The following NEMP2 variants were observed in gnomAD, a reference collection of about 807,000 sequenced individuals.
NEMP2 encodes UPF0571 transmembrane protein.
Under a neutral mutation model 54.2 loss-of-function variants are expected in NEMP2, and 53 were observed. The observed-to-expected ratio is 0.98, with a 90% CI of 0.78 to 1.23. The LOEUF is 1.23. Among genes scored for constraint, NEMP2 ranks in the 50% most tolerant of loss-of-function variants. The pLI is 0.00. For missense variants in NEMP2, 455 were observed against 511.3 expected (o/e 0.89, Z 1.06); for synonymous variants, 197 against 190.3 (o/e 1.04, Z -0.29).
chr2:190,485,116 C>T, the NEMP2 span, among the ~76,000 whole-genome samples: 1 of 152,102 alleles, frequency 6.6e-6, no homozygotes, highest in Non-Finnish European at 1.5e-5. The surrounding 1 kb of genome is among the most constrained non-coding windows in gnomAD (Gnocchi z 5.1). Flanking sequence ...CTTAAGTCAT[C>T]CCACTGGAAA....
rs774303842 is a variant in NEMP2, at chr2:190,531,149, T to G, written c.97+3410A>C. On this transcript the variant is annotated intron_variant, in intron 1 of 8. Transcript: ENST00000409150. The surrounding 1 kb of genome is among the most constrained non-coding windows in gnomAD (Gnocchi z 4.7). ...GGAATTTTTAAAAATCTAACAATAA[T>G]CATTCATTTGGTCAAAAGGGAACAA... is the stretch of plus-strand genomic sequence containing the variant. Among the ~76,000 whole-genome samples, 5 of 152,160 alleles carry G rather than the reference T, an allele frequency of 3.3e-5. No homozygotes were observed. Among genetic ancestry groups the G allele is most frequent in the Non-Finnish European group, 5.9e-5 (4 of 68,020 alleles).
the NEMP2 span, among the ~76,000 whole-genome samples, chr2:190,445,641 A>G: frequency 2.6e-5 from 4 of 152,146 alleles, no homozygotes; most frequent in African/African-American, 9.7e-5. Flanking sequence ...TAAAAGACAG[A>G]ATAATTTATT....
chr2:190,502,418 TC>T (rs572540668), downstream of NEMP2: 150 of 152,376 alleles, frequency 9.8e-4, 2 homozygotes, highest in African/African-American at 3.5e-3. The surrounding 1 kb of genome is among the most constrained non-coding windows in gnomAD (Gnocchi z 4.4). Context: ...TACTTCCTAC[TC>T]TTTCTCCTAT....
chr2:190,571,735 G>A, the NEMP2 span, among the ~76,000 whole-genome samples: 1 of 152,064 alleles, frequency 6.6e-6, no homozygotes, highest in Admixed American at 6.5e-5. Context: ...TCCCATAGTA[G>A]CATTATGAAA....
chr2:190,431,194 G>T, the NEMP2 span, among the ~76,000 whole-genome samples: 1 of 151,670 alleles, frequency 6.6e-6, no homozygotes, highest in African/African-American at 2.4e-5. The surrounding 1 kb of genome is among the most constrained non-coding windows in gnomAD (Gnocchi z 4.4). Context: ...GATGGTGGCC[G>T]GGAAGAGGCG....
At chr2:190,590,400 A>G in the NEMP2 span, among the ~76,000 whole-genome samples, 1 of 152,152 alleles carries the variant, frequency 6.6e-6, no homozygotes, top group Non-Finnish European at 1.5e-5. This position sits in a 1 kb window ranked among gnomAD's most constrained non-coding sequence, Gnocchi z 5.1. Flanking sequence ...TTTTATCACA[A>G]AAGTCATTCA....
rs1331343149 is a variant in NEMP2 at position 190,512,800 on chromosome 2, C to G, written c.953+1653G>C. 6.6e-6 allele frequency among the ~76,000 whole-genome samples: 1 copy of G among 152,206 alleles called. No homozygotes were observed. The highest frequency in any genetic ancestry group is 1.5e-5 in the Non-Finnish European group (1 of 68,032). On this transcript the variant is annotated intron_variant, in intron 7 of 8. Transcript: ENST00000409150. The surrounding 1 kb of genome is among the most constrained non-coding windows in gnomAD (Gnocchi z 4.5). ...CGGGCAGATGGGGCAAAGAGAGACC[C>G]AGTCAGCATCAACCCTCCAACCCTG...
chr2:190,441,785 G>T, the NEMP2 span, among the ~76,000 whole-genome samples: 1 of 152,036 alleles, frequency 6.6e-6, no homozygotes, highest in African/African-American at 2.4e-5. Context: ...CACCCACTGT[G>T]GGTGGCCCTG....
At chr2:190,577,397 G>C in the NEMP2 span, among the ~76,000 whole-genome samples, 1 of 152,122 alleles carries the variant, frequency 6.6e-6, no homozygotes, top group Non-Finnish European at 1.5e-5. The surrounding 1 kb of genome is among the most constrained non-coding windows in gnomAD (Gnocchi z 4.8). Context: ...CATAGATTAT[G>C]TGTAATATTT....
At chr2:190,494,911 T>C in the NEMP2 span, among the ~76,000 whole-genome samples, 3 of 152,052 alleles carry the variant, frequency 2.0e-5, no homozygotes, top group Non-Finnish European at 4.4e-5. This position sits in a 1 kb window ranked among gnomAD's most constrained non-coding sequence, Gnocchi z 5.7. Context: ...CAGGGAGAAG[T>C]TGGAAGCATT....
chr2:190,555,018 G>C, the NEMP2 span, among the ~76,000 whole-genome samples: 3 of 152,170 alleles, frequency 2.0e-5, no homozygotes, highest in African/African-American at 7.2e-5. This position sits in a 1 kb window ranked among gnomAD's most constrained non-coding sequence, Gnocchi z 4.8. Context: ...AGGCGAACAG[G>C]GTCTGGAGTG....
At chr2:190,594,759 T>C in the NEMP2 span, among the ~76,000 whole-genome samples, 1 of 152,046 alleles carries the variant, frequency 6.6e-6, no homozygotes, top group African/African-American at 2.4e-5. The surrounding 1 kb of genome is among the most constrained non-coding windows in gnomAD (Gnocchi z 5.6). Context: ...ACGAATAGAG[T>C]TAGCTGCAAA....
chr2:190,642,692 GTT>G, the NEMP2 span, among the ~76,000 whole-genome samples: 1 of 152,066 alleles, frequency 6.6e-6, no homozygotes, highest in Non-Finnish European at 1.5e-5. This position sits in a 1 kb window ranked among gnomAD's most constrained non-coding sequence, Gnocchi z 4.1. Context: ...ACATGACTCA[GTT>G]AATTGTAGGG....
At chr2:190,436,644 G>A in the NEMP2 span, 2 of 1,613,976 alleles carry the variant, frequency 1.2e-6, no homozygotes, top group Admixed American at 3.3e-5. The surrounding 1 kb of genome is among the most constrained non-coding windows in gnomAD (Gnocchi z 5.3). Context: ...TGGAAACAAG[G>A]CTCAATGTCT....
chr2:190,477,432 C>G, the NEMP2 span: 36 of 882,124 alleles, frequency 4.1e-5, no homozygotes, highest in Admixed American at 1.2e-4. Context: ...ATGCATATAA[C>G]TTTTTTATCC....
At chr2:190,437,680 T>A in the NEMP2 span, 1 of 1,202,352 alleles carries the variant, frequency 8.3e-7, no homozygotes, top group Non-Finnish European at 1.1e-6. This position sits in a 1 kb window ranked among gnomAD's most constrained non-coding sequence, Gnocchi z 5.9. Flanking sequence ...AGGGTTGGAG[T>A]GGAAATGGGG....
chr2:190,547,727 G>A, the NEMP2 span, among the ~76,000 whole-genome samples: 10 of 152,014 alleles, frequency 6.6e-5, no homozygotes, highest in African/African-American at 2.4e-4. This position sits in a 1 kb window ranked among gnomAD's most constrained non-coding sequence, Gnocchi z 6.2. Flanking sequence ...GTAGTGATGG[G>A]GTTTCATCAT....
the NEMP2 span, among the ~76,000 whole-genome samples, chr2:190,579,187 G>T: frequency 6.6e-6 from 1 of 151,788 alleles, no homozygotes; most frequent in Non-Finnish European, 1.5e-5. Context: ...TCTGTGCCTT[G>T]GTTCCCAATT....
At chr2:190,503,221 T>G (rs961091643), downstream of NEMP2, among the ~76,000 whole-genome samples, 13 of 152,200 alleles carry the variant, frequency 8.5e-5, no homozygotes, top group African/African-American at 3.1e-4. The surrounding 1 kb of genome is among the most constrained non-coding windows in gnomAD (Gnocchi z 6.3). Flanking sequence ...GACTGATAAC[T>G]GCACAGGAAA....
Sources: gnomAD v4.1 joint callset for allele counts (sites outside exome capture counted in the v4.1 genomes callset) on GRCh38, gnomAD v4.1.1 for gene constraint, Gnocchi (gnomAD v3.1) non-coding constraint, MANE v1.5 for transcripts, NCBI Gene and HGNC (gene_info 2026-07-23, HGNC 2026-07-21) for gene names.